The following CDH12 variants were observed in gnomAD, a reference collection of about 807,000 sequenced individuals.
CDH12 encodes the protein cadherin 12.
CDH12 carries 41 observed loss-of-function variants against 74.1 expected under a neutral mutation model. That is an observed-to-expected ratio of 0.55 (90% CI 0.43 to 0.72). The LOEUF (loss-of-function observed/expected upper bound fraction) is 0.72, where lower values mean the gene tolerates loss of function less well. Ranked by LOEUF, CDH12 falls within the 30% of genes least tolerant of loss-of-function variation. The probability of loss-of-function intolerance (pLI) is 0.00; values close to 1 mark genes in which losing one functional copy is unlikely to be tolerated. For missense variants in CDH12, 945 were observed against 977.2 expected, an observed-to-expected ratio of 0.97 and a Z score of 0.44; for synonymous variants, 399 against 355.0, an observed-to-expected ratio of 1.12 and a Z score of -1.39.
chr5:22,731,021 G>A (rs1025326293), intron 1 of CDH12, among the ~76,000 whole-genome samples: 1 of 151,762 alleles, frequency 6.6e-6, no homozygotes, highest in Non-Finnish European at 1.5e-5. Context: ...TAAATCAAGT[G>A]TTCAGATGTG....
chr5:22,394,562 G>C (rs962215033), intron 3 of CDH12, among the ~76,000 whole-genome samples: 5 of 152,152 alleles, frequency 3.3e-5, no homozygotes, highest in Non-Finnish European at 7.4e-5. Flanking sequence ...CTCAGGCCAA[G>C]AGAAAGGAGC....
chr5:22,142,993 A>G (rs1398784725), intron 4 of CDH12: 3 of 223,292 alleles, frequency 1.3e-5, no homozygotes, highest in African/African-American at 6.9e-5. Flanking sequence ...CCATAATGTT[A>G]CTGTAACTTG....
chr5:22,448,692 T>G (rs1744924720), intron 2 of CDH12, among the ~76,000 whole-genome samples: 1 of 152,070 alleles, frequency 6.6e-6, no homozygotes, highest in Admixed American at 6.6e-5. Flanking sequence ...AAGAAAAAAG[T>G]TTTCAAATTA....
chr5:21,914,392 G>A (rs1185802407), intron 6 of CDH12, among the ~76,000 whole-genome samples: 1 of 152,126 alleles, frequency 6.6e-6, no homozygotes, highest in Non-Finnish European at 1.5e-5. Flanking sequence ...ACACAGAGAA[G>A]AACTGATTGT....
At chr5:22,485,340 C>T (rs1364306220) in intron 2 of CDH12, among the ~76,000 whole-genome samples, 1 of 152,144 alleles carries the variant, frequency 6.6e-6, no homozygotes, top group East Asian at 1.9e-4. Flanking sequence ...TGCCACCATG[C>T]CCAGTTAATT....
At chr5:22,398,611 T>C (rs1371235266) in intron 3 of CDH12, among the ~76,000 whole-genome samples, 2 of 152,130 alleles carry the variant, frequency 1.3e-5, no homozygotes, top group East Asian at 3.9e-4. Context: ...TCCTCTTCTT[T>C]TCCCCCACAA....
chr5:22,643,904 AT>A (rs1222308440), intron 1 of CDH12, among the ~76,000 whole-genome samples: 1 of 151,928 alleles, frequency 6.6e-6, no homozygotes, highest in African/African-American at 2.4e-5. Flanking sequence ...GATATTATCT[AT>A]TATTGTGATC....
intron 1 of CDH12, among the ~76,000 whole-genome samples, chr5:22,673,179 C>T (rs1740995080): frequency 6.6e-6 from 1 of 152,076 alleles, no homozygotes; most frequent in South Asian, 2.1e-4. Context: ...TTTATACTGT[C>T]AGTTGGATGA....
chr5:22,489,056 C>CTTTTTTTTTTTGTTTTTTTTTTTTTTTTT (rs1746733051), intron 2 of CDH12, among the ~76,000 whole-genome samples: 1 of 37,314 alleles, frequency 2.7e-5, no homozygotes, highest in Non-Finnish European at 4.8e-5. Flanking sequence ...TTGGTACCAC[C>CTTTTTTTTTTTGTTTTTTTTTTTTTTTTT]TTTTTTTTTT....
intron 3 of CDH12, among the ~76,000 whole-genome samples, chr5:22,227,929 G>A (rs1464822815): frequency 1.3e-5 from 2 of 152,096 alleles, no homozygotes; most frequent in South Asian, 2.1e-4. Context: ...TGGAGCTCAC[G>A]TTCATCACAA....
chr5:22,788,154 AT>A (rs1747733526), intron 1 of CDH12, among the ~76,000 whole-genome samples: 1 of 152,058 alleles, frequency 6.6e-6, no homozygotes, highest in African/African-American at 2.4e-5. Flanking sequence ...CCTGTATTTT[AT>A]TTTCTTTTCA....
At chr5:22,325,243 C>T (rs1430941506) in intron 3 of CDH12, among the ~76,000 whole-genome samples, 1 of 152,060 alleles carries the variant, frequency 6.6e-6, no homozygotes, top group Non-Finnish European at 1.5e-5. Context: ...CCTTTGATTA[C>T]ACTAAAATCT....
chr5:21,952,359 T>A (rs1373357758), intron 6 of CDH12, among the ~76,000 whole-genome samples: 3 of 152,166 alleles, frequency 2.0e-5, no homozygotes, highest in Non-Finnish European at 2.9e-5. Context: ...GCCATCTGAC[T>A]TGGTTGCATT....
intron 6 of CDH12, among the ~76,000 whole-genome samples, chr5:21,968,001 T>C (rs1229667423): frequency 7.9e-5 from 12 of 152,022 alleles, no homozygotes; most frequent in Non-Finnish European, 1.5e-4. Context: ...GGTAAAGGCG[T>C]CCTCTACACC....
intron 1 of CDH12, among the ~76,000 whole-genome samples, chr5:22,698,699 A>AG (rs1466987527): frequency 3.2e-4 from 4 of 12,344 alleles, no homozygotes; most frequent in Middle Eastern, 0.038. Flanking sequence ...ATATATATAT[A>AG]TATATATATA....
At chr5:22,253,566 C>G (rs766132332) in intron 3 of CDH12, among the ~76,000 whole-genome samples, 1 of 151,678 alleles carries the variant, frequency 6.6e-6, no homozygotes, top group Non-Finnish European at 1.5e-5. Flanking sequence ...ATATTTTATT[C>G]ATATAGTCCC....
chr5:21,886,217 T>C (rs1272019063), intron 6 of CDH12, among the ~76,000 whole-genome samples: 1 of 152,096 alleles, frequency 6.6e-6, no homozygotes, highest in East Asian at 1.9e-4. Context: ...AAAAATTTTC[T>C]TTCTTCCCTC....
At chr5:22,075,883 C>T (rs1284433549) in intron 5 of CDH12, among the ~76,000 whole-genome samples, 1 of 151,980 alleles carries the variant, frequency 6.6e-6, no homozygotes, top group African/African-American at 2.4e-5. Flanking sequence ...TAATACTTTC[C>T]TTTTCTATGA....
intron 5 of CDH12, among the ~76,000 whole-genome samples, chr5:22,069,754 T>A (rs748075335): frequency 4.6e-5 from 7 of 152,168 alleles, no homozygotes; most frequent in Admixed American, 1.3e-4. Flanking sequence ...CACCCCACAA[T>A]GGATGCAAGG....
Sources: allele counts gnomAD v4.1 joint callset (sites outside exome capture counted in the v4.1 genomes callset), GRCh38; gene constraint gnomAD v4.1.1; transcripts MANE v1.5; gene names NCBI Gene and HGNC (gene_info 2026-07-23, HGNC 2026-07-21).